Variants in CD8B observed in about 807,000 individuals in gnomAD.
CD8B encodes T-cell surface glycoprotein CD8 beta chain.
CD8B carries 6 observed loss-of-function variants against 24.2 expected under a neutral mutation model. The ratio of observed to expected loss-of-function variants is 0.25; its 90% CI spans 0.14 to 0.49. CD8B has a LOEUF of 0.49. CD8B is among the 20% of genes least tolerant of loss of function. The pLI is 0.98. For missense variants in CD8B, 196 were observed against 271.3 expected, an observed-to-expected ratio of 0.72 and a Z score of 1.95; for synonymous variants, 84 against 108.3, an observed-to-expected ratio of 0.78 and a Z score of 1.39.
chr2:86,857,554 A>G (rs1676329358), intron 2 of CD8B, among the ~76,000 whole-genome samples: 1 of 152,044 alleles, frequency 6.6e-6, no homozygotes, highest in African/African-American at 2.4e-5. Context: ...TCTCGTCTCC[A>G]CTAAAAATAC....
intron 2 of CD8B, among the ~76,000 whole-genome samples, chr2:86,853,677 C>T (rs1202516208): frequency 6.6e-6 from 1 of 152,092 alleles, no homozygotes; most frequent in African/African-American, 2.4e-5. Context: ...AGAGCCTACA[C>T]CTCTGATTTA....
chr2:86,829,486 G>A (rs2104512365), intron 5 of CD8B, among the ~76,000 whole-genome samples: 2 of 152,204 alleles, frequency 1.3e-5, no homozygotes, highest in Middle Eastern at 3.4e-3. Context: ...GAGTCAGGCG[G>A]GTGGGAGCAA....
chr2:86,837,876 G>A (rs1368505245), downstream of CD8B, among the ~76,000 whole-genome samples: 1 of 152,162 alleles, frequency 6.6e-6, no homozygotes, highest in South Asian at 2.1e-4. Flanking sequence ...AAGTACTATA[G>A]ATGTTCTCCT....
chr2:86,822,419 A>T (rs1459547699), intron 5 of CD8B: 1 of 1,190,058 alleles, frequency 8.4e-7, no homozygotes, highest in Non-Finnish European at 1.2e-6. Context: ...TGTTAAAAGC[A>T]ATGGAAATGT....
At chr2:86,828,306 T>TTGTGTGTGTGTGTG (rs72236144) in intron 5 of CD8B, among the ~76,000 whole-genome samples, 2 of 143,430 alleles carry the variant, frequency 1.4e-5, no homozygotes, top group Non-Finnish European at 3.1e-5. Context: ...ATAACTGGAA[T>TTGTGTGTGTGTGTG]TGTGTGTGTG....
Position 86,841,698 on chromosome 2 carries a change from A to G in CD8B, c.*609T>C, listed in dbSNP as rs1034852786. On this transcript the variant is annotated 3_prime_UTR_variant, in exon 6 of 6. Coordinates refer to ENST00000390655, the MANE Select transcript of CD8B (RefSeq NM_004931.5). ...GTAGAAATGGGAGCTGAGAAACTTAAGAGTAGAAATGGGAGCTGAGAAGAT... is the reference window on the plus strand; with the variant it reads ...GTAGAAATGGGAGCTGAGAAACTTAGGAGTAGAAATGGGAGCTGAGAAGAT... 9 of 985,214 alleles carry G rather than the reference A, an allele frequency of 9.1e-6. No individual in the cohort carries two copies. In the African/African-American group the frequency reaches 1.2e-4, roughly 13 times the overall value. The allele number at this position is 985,214 out of a possible 1,614,324, so 61.0% of individuals were successfully genotyped here.
downstream of CD8B, among the ~76,000 whole-genome samples, chr2:86,837,264 T>C (rs1675213654): frequency 6.6e-6 from 1 of 152,190 alleles, no homozygotes; most frequent in African/African-American, 2.4e-5. Flanking sequence ...AGTAAACTAA[T>C]GGGAAAAGCA....
intron 5 of CD8B, chr2:86,821,729 C>T: frequency 6.8e-6 from 3 of 442,224 alleles, no homozygotes; most frequent in South Asian, 1.6e-5. Flanking sequence ...CGGAACCCTC[C>T]GAAAATCGCA....
At chr2:86,852,777 T>G (rs1676038983) in intron 3 of CD8B, among the ~76,000 whole-genome samples, 1 of 152,194 alleles carries the variant, frequency 6.6e-6, no homozygotes, top group Non-Finnish European at 1.5e-5. Context: ...GGTGGAGATC[T>G]CCTCCATTAA....
chr2:86,843,207 C>T (rs1675518774), intron 5 of CD8B, among the ~76,000 whole-genome samples: 1 of 152,184 alleles, frequency 6.6e-6, no homozygotes, highest in African/African-American at 2.4e-5. Context: ...ATTCTCTTAC[C>T]TCAGCCTCTC....
Position 86,858,222 on chromosome 2 carries a change from T to C in CD8B, c.238A>G (p.Ile80Val). Residue 80 changes from isoleucine to valine, a missense_variant, in exon 2 of 6, where the codon ATC becomes GTC. Transcript: ENST00000390655. ...TCCTGTTCCACCTCTTCACCGTGGA[T>C]AGTCCCTTTTGCGGAATCCCAGAGG... Reference protein sequence around the residue: ...LALWDSAKGTIHGEEVEQEKI... With the variant: ...LALWDSAKGTVHGEEVEQEKI... The C allele has an allele frequency of 6.2e-7, 1 of 1,614,026 alleles. No individual in the cohort carries two copies. The highest frequency in any genetic ancestry group is 8.5e-7 in the Non-Finnish European group (1 of 1,179,872).
chr2:86,829,858 TACAC>T (rs1052666293), intron 5 of CD8B, among the ~76,000 whole-genome samples: 3 of 134,608 alleles, frequency 2.2e-5, no homozygotes, highest in African/African-American at 7.7e-5. Context: ...ACATGTTTCT[TACAC>T]ACAGATAATT....
Position 86,838,285 on chromosome 2 carries a change from A to G in CD8B, c.*4022T>C, listed in dbSNP as rs1365548884. Reference sequence around the variant, plus strand: ...AAATTCCGCAGAGTAACTGCAATTAACAGCTGAAAGTAAATCCTTACAGAC... The same window carrying G: ...AAATTCCGCAGAGTAACTGCAATTAGCAGCTGAAAGTAAATCCTTACAGAC... On this transcript the variant is annotated 3_prime_UTR_variant, in exon 6 of 6. Transcript: ENST00000390655. Among the ~76,000 whole-genome samples the G allele has an allele frequency of 6.6e-6, 1 of 152,248 alleles. No individual in the cohort carries two copies. Among genetic ancestry groups the G allele is most frequent in the Non-Finnish European group, 1.5e-5 (1 of 68,044 alleles).
At chr2:86,835,856 A>C (rs1402097157), downstream of CD8B, among the ~76,000 whole-genome samples, 1 of 151,508 alleles carries the variant, frequency 6.6e-6, no homozygotes, top group Non-Finnish European at 1.5e-5. Flanking sequence ...CGGGGCTGGC[A>C]TGAGGCTGCA....
chr2:86,848,890 T>C (rs1326097869), intron 3 of CD8B, among the ~76,000 whole-genome samples: 1 of 152,266 alleles, frequency 6.6e-6, no homozygotes, highest in Non-Finnish European at 1.5e-5. Context: ...CTGATTTTTG[T>C]GTTTTTAGTA....
At chr2:86,853,109 A>G (rs1390026664) in intron 2 of CD8B, 23 bp from the exon 3 acceptor site, 8 of 1,545,970 alleles carry the variant, frequency 5.2e-6, no homozygotes, top group East Asian at 2.4e-5. Context: ...AGCAAGACAC[A>G]TATCTTAGCC....
chr2:86,833,891 C>T (rs183271369), downstream of CD8B, among the ~76,000 whole-genome samples: 396 of 151,910 alleles, frequency 2.6e-3, 1 homozygote, highest in African/African-American at 8.0e-3. Flanking sequence ...CCTCGTGATC[C>T]GCCCACCTCA....
chr2:86,822,827 T>G (rs1318670873), intron 5 of CD8B, among the ~76,000 whole-genome samples: 1 of 152,206 alleles, frequency 6.6e-6, no homozygotes, highest in Non-Finnish European at 1.5e-5. Context: ...GGAGCCAGAA[T>G]CAAGCAGTAT....
chr2:86,838,979 T>C lies in CD8B; in HGVS notation c.*3328A>G, dbSNP rs1675297297. Among the ~76,000 whole-genome samples the C allele has an allele frequency of 6.6e-6, 1 of 152,230 alleles. No homozygotes were observed. The highest frequency in any genetic ancestry group is 2.1e-4 in the South Asian group (1 of 4,830). ...TAATGAAACACACTCATATAAGTGA[T>C]TCCCAGATTGAGAAGCAGAAATGCT... On this transcript the variant is annotated 3_prime_UTR_variant, in exon 6 of 6. Coordinates refer to ENST00000390655, the MANE Select transcript of CD8B (RefSeq NM_004931.5).
Sources: gnomAD v4.1 joint callset for allele counts (sites outside exome capture counted in the v4.1 genomes callset) on GRCh38, gnomAD v4.1.1 for gene constraint, MANE v1.5 for transcripts, NCBI Gene and HGNC (gene_info 2026-07-23, HGNC 2026-07-21) for gene names.